The following ZBTB24 variants were observed in gnomAD, a reference collection of about 807,000 sequenced individuals.
The protein encoded by ZBTB24 is zinc finger and BTB domain containing 24.
A neutral mutation model predicts 53.8 loss-of-function variants in ZBTB24; 32 were observed. The ratio of observed to expected loss-of-function variants is 0.60; its 90% CI spans 0.45 to 0.80. The LOEUF (loss-of-function observed/expected upper bound fraction) is 0.80, where lower values mean the gene tolerates loss of function less well. Among genes scored for constraint, ZBTB24 ranks in the 30% least tolerant of loss-of-function variants. The probability of loss-of-function intolerance (pLI) is 0.00; values close to 1 mark genes in which losing one functional copy is unlikely to be tolerated. For synonymous variants in ZBTB24, 297 were observed against 306.7 expected (o/e 0.97, Z 0.33); for missense variants, 722 against 837.1 (o/e 0.86, Z 1.70).
intron 5 of ZBTB24, 68 bp downstream of exon 5, chr6:109,475,331 A>G: frequency 6.3e-7 from 1 of 1,576,184 alleles, no homozygotes; most frequent in South Asian, 1.1e-5. Flanking sequence ...GGGCACTCAG[A>G]GAACTTCATT....
rs901030101 is a variant in ZBTB24 at position 109,470,506 on chromosome 6, C to T, written c.1289-2772G>A. On this transcript the variant is annotated intron_variant, in intron 5 of 6. Coordinates refer to ENST00000230122, the MANE Select transcript of ZBTB24 (RefSeq NM_014797.3). ...GGCATCACAGCTGGATTTCCCATGC[C>T]CACCTGCTGAAACCCAGAATAACAT... 3.3e-5 allele frequency among the ~76,000 whole-genome samples: 5 copies of T among 152,168 alleles called. No individual in the cohort carries two copies. In the South Asian group the frequency reaches 1.0e-3, roughly 32 times the overall value.
At chr6:109,467,813 T>TA (rs1223280062) in intron 5 of ZBTB24, 79 bp from the exon 6 acceptor site, 8 of 1,493,344 alleles carry the variant, frequency 5.4e-6, no homozygotes, top group East Asian at 2.4e-5. Flanking sequence ...AAGACAAAAT[T>TA]AAAAAAACAC....
chr6:109,479,099 AGAG>A (rs1385372560), intron 2 of ZBTB24, among the ~76,000 whole-genome samples: 1 of 152,230 alleles, frequency 6.6e-6, no homozygotes, highest in Non-Finnish European at 1.5e-5. Flanking sequence ...GAGAAAACAG[AGAG>A]GAGAAATCAT....
At chr6:109,472,272 A>C (rs533137588) in intron 5 of ZBTB24, among the ~76,000 whole-genome samples, 1 of 152,010 alleles carries the variant, frequency 6.6e-6, no homozygotes, top group Non-Finnish European at 1.5e-5. Flanking sequence ...GAAGAACCCC[A>C]ATTTTTTGAT....
chr6:109,476,059 A>AAT, intron 4 of ZBTB24, 116 bp downstream of exon 4: 1 of 1,158,688 alleles, frequency 8.6e-7, no homozygotes, highest in Non-Finnish European at 1.2e-6. Context: ...CTTTTCCCTA[A>AAT]ATACCCTATG....
At position 109,476,690 on chromosome 6, in the gene ZBTB24, T is replaced by C. The variant is rs1582678429; in HGVS notation, c.1120+73A>G. 8 of 1,543,030 alleles carry C rather than the reference T, an allele frequency of 5.2e-6. No homozygotes were observed. The East Asian group carries it at 1.9e-4, about 36-fold the overall frequency. On this transcript the variant is annotated intron_variant, in intron 3 of 6. Transcript: ENST00000230122. ...ATGATACTAGGCTGAGAAAACACCATTTAGGTGTTGGTAATGCCCACCCTG... is the reference window on the plus strand; with the variant it reads ...ATGATACTAGGCTGAGAAAACACCACTTAGGTGTTGGTAATGCCCACCCTG...
chr6:109,480,911 T>C (rs1031382417), intron 2 of ZBTB24, 164 bp downstream of exon 2: 6 of 1,455,034 alleles, frequency 4.1e-6, no homozygotes, highest in Admixed American at 2.6e-5. Flanking sequence ...ATGAGGATAT[T>C]ACCCACCTTG....
At chr6:109,470,526 T>C (rs1298656043) in intron 5 of ZBTB24, among the ~76,000 whole-genome samples, 1 of 152,124 alleles carries the variant, frequency 6.6e-6, no homozygotes, top group Non-Finnish European at 1.5e-5. Context: ...AAACCCAGAA[T>C]AACATGGGGC....
At chr6:109,478,465 T>C (rs1429898448) in intron 2 of ZBTB24, among the ~76,000 whole-genome samples, 3 of 152,086 alleles carry the variant, frequency 2.0e-5, no homozygotes, top group Non-Finnish European at 4.4e-5. Flanking sequence ...TGCATCTCAT[T>C]ATTGGGCCAC....
intron 6 of ZBTB24, 93 bp downstream of exon 6, chr6:109,467,559 CT>C: frequency 6.3e-7 from 1 of 1,596,046 alleles, no homozygotes; most frequent in Non-Finnish European, 8.5e-7. Flanking sequence ...AAAGTAACAA[CT>C]GGGAGAAAAC....
rs932891300 is a variant in ZBTB24, at chr6:109,463,670, C to G, written c.*2181G>C. 1 of 152,090 alleles carries G rather than the reference C, an allele frequency of 6.6e-6. No individual in the cohort carries two copies. Among genetic ancestry groups the G allele is most frequent in the African/African-American group, 2.4e-5 (1 of 41,404 alleles). The allele number at this position is 152,090 out of a possible 1,614,324, so 9.4% of individuals were successfully genotyped here. On this transcript the variant is annotated 3_prime_UTR_variant, in exon 7 of 7. Coordinates refer to ENST00000230122, the MANE Select transcript of ZBTB24 (RefSeq NM_014797.3). ...ATACAGATCAAGTATGTCCAATGAACATTAGCATCCAAATGGAGATGTGCA... is the reference window on the plus strand; with the variant it reads ...ATACAGATCAAGTATGTCCAATGAAGATTAGCATCCAAATGGAGATGTGCA...
At chr6:109,467,765 C>G in intron 5 of ZBTB24, 31 bp from the exon 6 acceptor site, 2 of 1,607,176 alleles carry the variant, frequency 1.2e-6, no homozygotes, top group Non-Finnish European at 1.7e-6. Context: ...AACAAAAAAC[C>G]CAAAACAAAA....
chr6:109,469,829 G>C (rs1776128400), intron 5 of ZBTB24, among the ~76,000 whole-genome samples: 1 of 152,178 alleles, frequency 6.6e-6, no homozygotes, highest in African/African-American at 2.4e-5. Context: ...GCCTGGGCCA[G>C]GGTACTAGTC....
In ZBTB24 at chr6:109,466,189, C is replaced by T. The variant is rs1203048731; in HGVS notation, c.1756G>A (p.Ala586Thr). 2 of 1,614,116 alleles carry T rather than the reference C, an allele frequency of 1.2e-6. No individual in the cohort carries two copies. Among genetic ancestry groups the T allele is most frequent in the Non-Finnish European group, 1.7e-6 (2 of 1,180,048 alleles). Residue 586 changes from alanine to threonine, a missense_variant, in exon 7 of 7, where the codon GCA (alanine) becomes ACA (threonine). Ala to Thr is a moderately conservative substitution (Grantham distance 58, BLOSUM62 0). Transcript: ENST00000230122. ...VTAESSQNMT[A>T]DQAANLTLLT... ...AGGGTAAGATTAGCAGCCTGGTCTG[C>T]AGTCATGTTTTGGGAACTCTCTGCA... is the stretch of plus-strand genomic sequence containing the variant.
chr6:109,481,492 C>G lies in ZBTB24; in HGVS notation c.535G>C (p.Ala179Pro), dbSNP rs747200354. Residue 179 changes from alanine to proline, a missense_variant, in exon 2 of 7, where the codon GCT becomes CCT. Coordinates refer to ENST00000230122, the MANE Select transcript of ZBTB24 (RefSeq NM_014797.3). ...CTTAACTGTATTTCTTCCTCTGCAG[C>G]CAGTTCTGATTTCTCCTCCTGCAAT... ...NTLQEEKSEL[A>P]AEEEIQLRVN... 9 of 1,614,206 alleles carry G rather than the reference C, an allele frequency of 5.6e-6. No individual in the cohort carries two copies. In the South Asian group the frequency reaches 7.7e-5, roughly 14 times the overall value.
In ZBTB24 at chr6:109,482,072, G is replaced by A. The variant is rs996029384; in HGVS notation, c.-28-18C>T. ...GGTTAAATCTGAAATAAGAAAACAA[G>A]GTTTAAAAAGGAGAAAGCACTGTCT... On this transcript the variant is annotated intron_variant, in intron 1 of 6. Transcript: ENST00000230122. 6.4e-7 allele frequency: 1 copy of A among 1,563,280 alleles called. No homozygotes were observed. The highest frequency in any genetic ancestry group is 1.4e-5 in the African/African-American group (1 of 73,954).
chr6:109,480,329 A>G (rs113650546), intron 2 of ZBTB24, among the ~76,000 whole-genome samples: 65 of 152,334 alleles, frequency 4.3e-4, no homozygotes, highest in African/African-American at 1.5e-3. Context: ...GGGATTTCTC[A>G]CTAGGACTGC....
chr6:109,467,030 A>T (rs1254812460), intron 6 of ZBTB24, among the ~76,000 whole-genome samples: 2 of 152,238 alleles, frequency 1.3e-5, no homozygotes. Context: ...CCTAAGTCCA[A>T]CCTGGGGATA....
intron 3 of ZBTB24, 111 bp from the exon 4 acceptor site, chr6:109,476,369 T>C: frequency 1.9e-6 from 2 of 1,050,840 alleles, no homozygotes; most frequent in African/African-American, 1.6e-5. Flanking sequence ...CTACAAATGA[T>C]ACAAGCGACT....
Sources: allele counts gnomAD v4.1 joint callset (sites outside exome capture counted in the v4.1 genomes callset), GRCh38; gene constraint gnomAD v4.1.1; transcripts MANE v1.5; gene names NCBI Gene and HGNC (gene_info 2026-07-23, HGNC 2026-07-21).